GLUD1: variants seen among roughly 807,000 people sequenced by gnomAD.
The protein encoded by GLUD1 is glutamate dehydrogenase 1, also known as glutamate dehydrogenase 1, mitochondrial.
GLUD1 carries 22 observed loss-of-function variants against 56.0 expected under a neutral mutation model. The ratio of observed to expected loss-of-function variants is 0.39; its 90% confidence interval spans 0.28 to 0.56. The LOEUF is 0.56. Ranked by LOEUF, GLUD1 falls within the 20% of genes least tolerant of loss-of-function variation. The pLI, the probability that GLUD1 is intolerant of heterozygous loss-of-function variation, is 0.58. For missense variants in GLUD1, 451 were observed against 732.0 expected (o/e 0.62, Z 4.43); for synonymous variants, 223 against 269.9 (o/e 0.83, Z 1.70).
intron 10 of GLUD1, among the ~76,000 whole-genome samples, chr10:87,058,058 C>T (rs538048915): frequency 3.9e-5 from 6 of 152,170 alleles, no homozygotes; most frequent in Non-Finnish European, 7.4e-5. Context: ...TTAGTAGAGA[C>T]GGGGTTTCAC....
intron 5 of GLUD1, among the ~76,000 whole-genome samples, chr10:87,066,410 C>T (rs1195861709): frequency 6.6e-6 from 1 of 152,184 alleles, no homozygotes; most frequent in Non-Finnish European, 1.5e-5. Flanking sequence ...GGTCACCTAC[C>T]AAGCAGTAAC....
intron 4 of GLUD1, among the ~76,000 whole-genome samples, chr10:87,071,173 A>G (rs1177457966): frequency 2.6e-5 from 4 of 151,890 alleles, no homozygotes; most frequent in Non-Finnish European, 5.9e-5. Context: ...TGAATAACAG[A>G]TATATTCTTT....
Position 87,053,341 on chromosome 10 carries a change from C to A in GLUD1, c.1557+1G>T, listed in dbSNP as rs1363225199. On this transcript the variant is annotated splice_donor_variant, in intron 12 of 12. Transcript: ENST00000277865. LOFTEE classifies it high-confidence loss of function. ...AAGGCAAACAGCATCTGCACACATA[C>A]CCTGGCAGAACGCTCCATTGTGTAT... is the stretch of plus-strand genomic sequence containing the variant. 6.2e-7 allele frequency: 1 copy of A among 1,603,070 alleles called. No homozygotes were observed.
At position 87,094,128 on chromosome 10, in the gene GLUD1, T is replaced by C. The variant is rs1176829839; in HGVS notation, c.445+197A>G. 6.8e-7 allele frequency: 1 copy of C among 1,463,872 alleles called. No individual in the cohort carries two copies. 90.7% of individuals were successfully genotyped at this position (1,463,872 alleles called of 1,614,324 possible). A position where few individuals can be genotyped will look rare whatever the true frequency, so the allele number is the denominator to read the frequency against. On this transcript the variant is annotated intron_variant, in intron 1 of 12. Coordinates refer to ENST00000277865, the MANE Select transcript of GLUD1 (RefSeq NM_005271.5). This position sits in a 1 kb window ranked among gnomAD's most constrained non-coding sequence, Gnocchi z 6.6. ...CGGCGCGGGGGAGGGGGCAGGCCAA[T>C]CGCATGATGATTTTAAGGCGGAAAA...
At chr10:87,059,735 T>C (rs761098752) in intron 9 of GLUD1, among the ~76,000 whole-genome samples, 5 of 152,236 alleles carry the variant, frequency 3.3e-5, no homozygotes, top group Non-Finnish European at 7.3e-5. Flanking sequence ...CCCACATTAA[T>C]TTCTAGTAAC....
chr10:87,079,316 T>C (rs1841141193), intron 1 of GLUD1, among the ~76,000 whole-genome samples: 1 of 151,330 alleles, frequency 6.6e-6, no homozygotes, highest in African/African-American at 2.4e-5. Flanking sequence ...CATGTGCGTG[T>C]AGTCGAAGAT....
At chr10:87,057,645 A>G (rs753288576) in intron 11 of GLUD1, 46 bp downstream of exon 11, 1 of 951,886 alleles carries the variant, frequency 1.1e-6, no homozygotes, top group Non-Finnish European at 1.7e-6. Context: ...TGAAGGAAAG[A>G]GCAGGGAGCA....
At chr10:87,074,709 T>G (rs2133825016) in intron 3 of GLUD1, 95 bp from the exon 4 acceptor site, 1 of 770,648 alleles carries the variant, frequency 1.3e-6, no homozygotes, top group East Asian at 2.5e-5. Context: ...TAGTACATTT[T>G]CATATGTCTT....
At position 87,069,340 on chromosome 10, in the gene GLUD1, C is replaced by CTT; in HGVS notation, c.647-1184_647-1183insAA. On this transcript the variant is annotated intron_variant, in intron 4 of 12. Coordinates refer to ENST00000277865, the MANE Select transcript of GLUD1 (RefSeq NM_005271.5). The stretch of plus-strand genomic sequence containing the variant: ...GACCAGCCTGACCAACATGGTGAAA[C>CTT]CCTGCCTTTACTAAAAATACAAAAA... Among the ~76,000 whole-genome samples, 3 of 152,006 alleles carry CTT rather than the reference C, an allele frequency of 2.0e-5. 1 individual carries two copies. The South Asian group carries it at 6.2e-4, about 32-fold the overall frequency.
At chr10:87,060,583 A>G (rs1845904504) in intron 8 of GLUD1, 105 bp downstream of exon 8, 2 of 1,382,304 alleles carry the variant, frequency 1.4e-6, no homozygotes, top group East Asian at 4.6e-5. Context: ...GTATGTGCCA[A>G]TAAAGCTGCT....
intron 11 of GLUD1, among the ~76,000 whole-genome samples, chr10:87,055,270 T>C (rs1434929787): frequency 1.3e-5 from 2 of 151,924 alleles, no homozygotes; most frequent in African/African-American, 4.8e-5. Context: ...GGGGAGTGAC[T>C]GTAATGATGG....
intron 1 of GLUD1, among the ~76,000 whole-genome samples, chr10:87,086,544 C>G (rs925223061): frequency 6.6e-5 from 10 of 152,116 alleles, no homozygotes; most frequent in African/African-American, 1.9e-4. Context: ...AAAAAATTGG[C>G]CTGGCGCGGT....
chr10:87,069,273 T>A (rs1204348183), intron 4 of GLUD1, among the ~76,000 whole-genome samples: 1 of 152,068 alleles, frequency 6.6e-6, no homozygotes, highest in Non-Finnish European at 1.5e-5. Flanking sequence ...TCCCAGCACC[T>A]TGGGAGGCTG....
chr10:87,062,528 AAAACC>A (rs1845963199), intron 6 of GLUD1, 123 bp downstream of exon 6: 2 of 789,842 alleles, frequency 2.5e-6, no homozygotes. Context: ...TATTACTCTG[AAAACC>A]ACCACTCTAA....
chr10:87,066,932 C>G (rs1846092585), intron 5 of GLUD1, among the ~76,000 whole-genome samples: 1 of 152,210 alleles, frequency 6.6e-6, no homozygotes, highest in Non-Finnish European at 1.5e-5. Flanking sequence ...GACTCAGGTT[C>G]TCCTGGTTCT....
chr10:87,077,475 A>G lies in GLUD1; in HGVS notation c.446-819T>C, dbSNP rs190095957. 1.4e-3 allele frequency among the ~76,000 whole-genome samples: 210 copies of G among 151,790 alleles called. 1 individual carries two copies. Among genetic ancestry groups the G allele is most frequent in the African/African-American group, 4.6e-3 (191 of 41,374 alleles). ...GCCAACCTCTTTCAATCTGAAAATG[A>G]GAAAGCCATTTTCCCTTTCTGAGGT... is the stretch of plus-strand genomic sequence containing the variant. On this transcript the variant is annotated intron_variant, in intron 1 of 12. Coordinates refer to ENST00000277865, the MANE Select transcript of GLUD1 (RefSeq NM_005271.5).
intron 1 of GLUD1, among the ~76,000 whole-genome samples, chr10:87,085,016 T>C (rs1564563583): frequency 6.6e-6 from 1 of 152,110 alleles, no homozygotes. Context: ...ACATTCAGCA[T>C]GGGAAGGAGC....
At chr10:87,060,543 C>A in intron 8 of GLUD1, 145 bp downstream of exon 8, 1 of 1,062,170 alleles carries the variant, frequency 9.4e-7, no homozygotes, top group Non-Finnish European at 1.5e-6. Flanking sequence ...AATTATGTAC[C>A]TTAAATGGGG....
At chr10:87,056,904 T>C (rs575375237) in intron 11 of GLUD1, among the ~76,000 whole-genome samples, 28 of 152,230 alleles carry the variant, frequency 1.8e-4, no homozygotes, top group African/African-American at 5.3e-4. Context: ...TTATGTGTTA[T>C]GGACTTTTGT....
Sources: gnomAD v4.1 joint callset for allele counts (sites outside exome capture counted in the v4.1 genomes callset) on GRCh38, gnomAD v4.1.1 for gene constraint, Gnocchi (gnomAD v3.1) non-coding constraint, MANE v1.5 for transcripts, NCBI Gene and HGNC (gene_info 2026-07-23, HGNC 2026-07-21) for gene names.